The following RAPH1 variants were observed in gnomAD, a reference collection of about 807,000 sequenced individuals.
RAPH1 encodes ras-associated and pleckstrin homology domains-containing protein 1.
In RAPH1, 18 loss-of-function variants were observed where a neutral mutation model predicts 88.1. That is an observed-to-expected ratio of 0.20 (90% CI 0.14 to 0.30). The LOEUF (loss-of-function observed/expected upper bound fraction) is 0.30, where lower values mean the gene tolerates loss of function less well. Ranked by LOEUF, RAPH1 falls within the 10% of genes least tolerant of loss-of-function variation. The probability of loss-of-function intolerance (pLI) is 1.00; values close to 1 mark genes in which losing one functional copy is unlikely to be tolerated. For missense variants in RAPH1, 1,448 were observed against 1,543.2 expected (o/e 0.94, Z 1.03); for synonymous variants, 587 against 559.0 (o/e 1.05, Z -0.71).
Position 203,441,243 on chromosome 2 carries a change from G to A in RAPH1, c.1947C>T (p.Leu649=), listed in dbSNP as rs763353052. Residue 649 remains leucine (L), a synonymous_variant, in exon 14 of 14, where the codon CTC becomes CTT. Transcript: ENST00000319170. The stretch of plus-strand genomic sequence containing the variant: ...CTGCAGAAGGTGCAGACTGGCTGGG[G>A]AGTGGGGGAGGAGGGGGTGGTGGAG... ...PPPPPPPPPP[L]PSQSAPSAGS... is the part of the protein sequence containing the mutation. The A allele has an allele frequency of 1.4e-6, 2 of 1,464,908 alleles. No homozygotes were observed. The highest frequency in any genetic ancestry group is 9.4e-7 in the Non-Finnish European group (1 of 1,068,220). The allele number at this position is 1,464,908 out of a possible 1,614,324, so 90.7% of individuals were successfully genotyped here.
chr2:203,532,508 G>A (rs1581424617), intron 1 of RAPH1, among the ~76,000 whole-genome samples: 1 of 152,148 alleles, frequency 6.6e-6, no homozygotes, highest in South Asian at 2.1e-4. Context: ...TAGGCTGCCC[G>A]GTTTCAAATC....
chr2:203,452,154 T>C (rs1229199586), intron 10 of RAPH1, among the ~76,000 whole-genome samples: 1 of 152,210 alleles, frequency 6.6e-6, no homozygotes, highest in African/African-American at 2.4e-5. Flanking sequence ...CAACCAACTT[T>C]TACTGTTTTC....
intron 4 of RAPH1, among the ~76,000 whole-genome samples, chr2:203,487,390 C>CT (rs1338633607): frequency 3.5e-4 from 51 of 147,164 alleles, no homozygotes; most frequent in Non-Finnish European, 4.1e-4. Flanking sequence ...TTTTTTTTTC[C>CT]TTTTTTTTTT....
In RAPH1 at chr2:203,448,886, A is replaced by C; in HGVS notation, c.1414-50T>G. 7.9e-7 allele frequency: 1 copy of C among 1,262,880 alleles called. No homozygotes were observed. Among genetic ancestry groups the C allele is most frequent in the Non-Finnish European group, 1.1e-6 (1 of 879,580 alleles). The allele number at this position is 1,262,880 out of a possible 1,614,324, so 78.2% of individuals were successfully genotyped here. On this transcript the variant is annotated intron_variant, in intron 10 of 13. Coordinates refer to ENST00000319170, the MANE Select transcript of RAPH1 (RefSeq NM_213589.3). The surrounding 1 kb of genome is among the most constrained non-coding windows in gnomAD (Gnocchi z 4.1). ...ACTAAGTCCCTTGGAGAACTAAAGA[A>C]AAACAAACTTTATCAAAGCTTAAAC... is the stretch of plus-strand genomic sequence containing the variant.
intron 1 of RAPH1, among the ~76,000 whole-genome samples, chr2:203,507,000 G>A (rs1278420045): frequency 2.7e-5 from 4 of 147,468 alleles, no homozygotes; most frequent in Non-Finnish European, 4.5e-5. Flanking sequence ...AGGTTCAAGC[G>A]ATTCTCCTGC....
At chr2:203,459,429 CAAAT>C (rs1302936192) in intron 7 of RAPH1, among the ~76,000 whole-genome samples, 3 of 152,128 alleles carry the variant, frequency 2.0e-5, no homozygotes, top group Admixed American at 6.5e-5. Context: ...GGAAAGATGT[CAAAT>C]AAATCAAAGT....
rs1688149524 is a variant in RAPH1 at position 203,489,602 on chromosome 2, T to C, written c.714A>G (p.Gln238=). 6.3e-7 allele frequency: 1 copy of C among 1,576,946 alleles called. No individual in the cohort carries two copies. Among genetic ancestry groups the C allele is most frequent in the Non-Finnish European group, 8.7e-7 (1 of 1,155,694 alleles). The part of the protein sequence containing the change: ...TRPQELDLTH[Q]GQPITEEEQA... ...TATTTACCTCAGTAATTGGCTGCCC[T>C]TGATGTGTCAAATCCAGCTCTTGAG... Residue 238 remains glutamine (Q), a synonymous_variant, in exon 4 of 14, where the codon CAA becomes CAG. Coordinates refer to ENST00000319170, the MANE Select transcript of RAPH1 (RefSeq NM_213589.3).
rs1284340616 is a variant in RAPH1, at chr2:203,488,600, A to AC, written c.732+983_732+984insG. Among the ~76,000 whole-genome samples the AC allele has an allele frequency of 4.0e-5, 6 of 148,560 alleles. No individual in the cohort carries two copies. In the East Asian group the frequency reaches 1.0e-3, roughly 25 times the overall value. On this transcript the variant is annotated intron_variant, in intron 4 of 13. Transcript: ENST00000319170. ...AGACTCCGTCTATTAAAAAAAAAAAAAAAAAAAAAAAAAAAAAACCTGTTT... is the reference window on the plus strand; with the variant it reads ...AGACTCCGTCTATTAAAAAAAAAAAACAAAAAAAAAAAAAAAAAACCTGTTT...
chr2:203,437,027 G>GAC lies in RAPH1; in HGVS notation c.*2409_*2410insGT, dbSNP rs3214803. ...CAAGCCACTGGACTGGGGTTAAAAT[G>GAC]AGTCTCCTCCTCTAGCCTTACTCTC... On this transcript the variant is annotated 3_prime_UTR_variant, in exon 14 of 14. Coordinates refer to ENST00000319170, the MANE Select transcript of RAPH1 (RefSeq NM_213589.3). 95,919 of 151,690 alleles carry GAC rather than the reference G, an allele frequency of 0.63. 30,833 individuals carry two copies. The highest frequency in any genetic ancestry group is 0.79 in the Middle Eastern group (231 of 294). The allele number at this position is 151,690 out of a possible 1,614,324, so 9.4% of individuals were successfully genotyped here. A position where few individuals can be genotyped will look rare whatever the true frequency, so the allele number is the denominator to read the frequency against.
chr2:203,480,742 G>GA (rs1463777031), intron 4 of RAPH1, among the ~76,000 whole-genome samples: 9 of 152,246 alleles, frequency 5.9e-5, no homozygotes, highest in Middle Eastern at 6.8e-3. Context: ...CAATAAAATA[G>GA]ATTTCCATCA....
At position 203,489,978 on chromosome 2, in the gene RAPH1, G is replaced by A. The variant is rs1315766161; in HGVS notation, c.338C>T (p.Thr113Ile). Residue 113 changes from threonine to isoleucine, a missense_variant, in exon 4 of 14, where the codon ACA (threonine) becomes ATA (isoleucine). Transcript: ENST00000319170. ...IGSGNSKRQI[T>I]ETKATQKLPV... ...CAATTTCTGAGTAGCTTTCGTTTCT[G>A]TGATTTGACGCTTACTGTTTCCTGA... The A allele has an allele frequency of 5.6e-6, 9 of 1,614,206 alleles. No individual in the cohort carries two copies. Among genetic ancestry groups the A allele is most frequent in the Non-Finnish European group, 7.6e-6 (9 of 1,180,030 alleles).
chr2:203,471,879 A>G (rs1347122666), intron 4 of RAPH1, among the ~76,000 whole-genome samples: 1 of 151,870 alleles, frequency 6.6e-6, no homozygotes, highest in East Asian at 1.9e-4. Context: ...CAAGATTAGC[A>G]CTAACAAAGT....
chr2:203,506,770 C>A lies in RAPH1; in HGVS notation c.1-11417G>T, dbSNP rs7562294. Among the ~76,000 whole-genome samples the A allele has an allele frequency of 2.5e-4, 25 of 99,028 alleles. 1 individual carries two copies. Among genetic ancestry groups the A allele is most frequent in the African/African-American group, 1.1e-3 (21 of 19,848 alleles). 65.0% of individuals were successfully genotyped at this position (99,028 alleles called of 152,430 possible). A position where few individuals can be genotyped will look rare whatever the true frequency, so the allele number is the denominator to read the frequency against. On this transcript the variant is annotated intron_variant, in intron 1 of 13. Coordinates refer to ENST00000319170, the MANE Select transcript of RAPH1 (RefSeq NM_213589.3). ...TATATATATATATCTATATATATAT[C>A]TATATATATCTAGATATATATATCT...
intron 1 of RAPH1, among the ~76,000 whole-genome samples, chr2:203,495,839 A>G (rs866258190): frequency 1.3e-5 from 2 of 152,198 alleles, no homozygotes; most frequent in Non-Finnish European, 2.9e-5. Flanking sequence ...AAATTTGACA[A>G]AACAAAAATC....
intron 1 of RAPH1, among the ~76,000 whole-genome samples, chr2:203,513,803 A>G (rs1259199078): frequency 6.7e-6 from 1 of 148,364 alleles, no homozygotes; most frequent in African/African-American, 2.5e-5. Flanking sequence ...CCACTGCACT[A>G]CAGCCCAGGA....
rs556924475 is a variant in RAPH1 at position 203,437,839 on chromosome 2, A to G, written c.*1598T>C. The stretch of plus-strand genomic sequence containing the variant: ...ATTTCTGCAGTTTGCATTGGTAATC[A>G]TTAACAATAGGCACAGACTTTCATT... On this transcript the variant is annotated 3_prime_UTR_variant, in exon 14 of 14. Transcript: ENST00000319170. 8 of 207,972 alleles carry G rather than the reference A, an allele frequency of 3.8e-5. No individual in the cohort carries two copies. The highest frequency in any genetic ancestry group is 1.2e-4 in the Admixed American group (2 of 17,316). 12.9% of individuals were successfully genotyped at this position (207,972 alleles called of 1,614,324 possible).
chr2:203,498,885 C>T (rs1033938159), intron 1 of RAPH1, among the ~76,000 whole-genome samples: 8 of 152,048 alleles, frequency 5.3e-5, no homozygotes, highest in African/African-American at 1.9e-4. Context: ...ATACGGTGGT[C>T]CCATAAGTAT....
intron 1 of RAPH1, among the ~76,000 whole-genome samples, chr2:203,519,138 T>G (rs1392852447): frequency 6.6e-6 from 1 of 152,112 alleles, no homozygotes; most frequent in African/African-American, 2.4e-5. Context: ...GAATAATACA[T>G]AGTAACTCAT....
intron 1 of RAPH1, among the ~76,000 whole-genome samples, chr2:203,504,186 C>A (rs1246257281): frequency 2.6e-5 from 4 of 152,304 alleles, no homozygotes; most frequent in African/African-American, 9.6e-5. Flanking sequence ...TGTGTGGGGG[C>A]CCCAACCCCA....
Sources: allele counts gnomAD v4.1 joint callset (sites outside exome capture counted in the v4.1 genomes callset), GRCh38; gene constraint gnomAD v4.1.1; non-coding constraint Gnocchi (gnomAD v3.1); transcripts MANE v1.5; gene names NCBI Gene and HGNC (gene_info 2026-07-23, HGNC 2026-07-21).